Variants in MAN2A1 observed in about 807,000 individuals in gnomAD.
MAN2A1 encodes the protein alpha-mannosidase 2.
A neutral mutation model predicts 142.6 loss-of-function variants in MAN2A1; 76 were observed. That is an observed-to-expected ratio of 0.53 (90% confidence interval 0.44 to 0.65). The LOEUF is 0.65. Ranked by LOEUF, MAN2A1 falls within the 30% of genes least tolerant of loss-of-function variation. The probability of loss-of-function intolerance (pLI) is 0.00; values close to 1 mark genes in which losing one functional copy is unlikely to be tolerated. For missense variants in MAN2A1, 1,311 were observed against 1,365.1 expected (o/e 0.96, Z 0.62); for synonymous variants, 559 against 473.2 (o/e 1.18, Z -2.35).
In MAN2A1 at chr5:109,804,177, A is replaced by G. The variant is rs1754103963; in HGVS notation, c.1944-13096A>G. The G allele has an allele frequency of 4.1e-6, 4 of 987,274 alleles. No individual in the cohort carries two copies. In the South Asian group the frequency reaches 1.4e-4, roughly 35 times the overall value. The allele number at this position is 987,274 out of a possible 1,614,324, so 61.2% of individuals were successfully genotyped here. ...AGATTAATAAAGCGTGCACAACAAGAGGAACAAGGAAAAGGATTTTAGTGA... is the reference window on the plus strand; with the variant it reads ...AGATTAATAAAGCGTGCACAACAAGGGGAACAAGGAAAAGGATTTTAGTGA... On this transcript the variant is annotated intron_variant, in intron 12 of 21. Coordinates refer to ENST00000261483, the MANE Select transcript of MAN2A1 (RefSeq NM_002372.4).
At chr5:109,856,465 C>T (rs1320452732) in intron 20 of MAN2A1, among the ~76,000 whole-genome samples, 1 of 152,144 alleles carries the variant, frequency 6.6e-6, no homozygotes, top group Non-Finnish European at 1.5e-5. Flanking sequence ...GTGAAGTCTG[C>T]TCCTAGATGC....
chr5:109,743,946 A>G (rs1398009522), intron 4 of MAN2A1, among the ~76,000 whole-genome samples: 1 of 151,682 alleles, frequency 6.6e-6, no homozygotes, highest in Admixed American at 6.6e-5. Context: ...TTCACACTCT[A>G]CTCAGGCATT....
chr5:109,794,986 A>G (rs925293206), intron 12 of MAN2A1, among the ~76,000 whole-genome samples: 1 of 152,078 alleles, frequency 6.6e-6, no homozygotes, highest in Non-Finnish European at 1.5e-5. Flanking sequence ...GCTTTATCCA[A>G]AAGACTGAAT....
intron 12 of MAN2A1, among the ~76,000 whole-genome samples, chr5:109,791,343 A>G (rs1753732367): frequency 6.6e-6 from 1 of 152,038 alleles, no homozygotes; most frequent in African/African-American, 2.4e-5. Flanking sequence ...TTAGCTGCAA[A>G]TTATTTTAGT....
At chr5:109,811,374 C>G (rs112075116) in intron 12 of MAN2A1, among the ~76,000 whole-genome samples, 1 of 152,086 alleles carries the variant, frequency 6.6e-6, no homozygotes, top group East Asian at 1.9e-4. Context: ...ATAAGACTTA[C>G]GAATGAATTT....
chr5:109,853,631 G>T (rs1755537141), intron 19 of MAN2A1: 1 of 152,136 alleles, frequency 6.6e-6, no homozygotes. Flanking sequence ...TTTGATGAGG[G>T]AGGTGTTTTC....
rs1755952060 is a variant in MAN2A1, at chr5:109,869,076, A to T, written c.*2078A>T. On this transcript the variant is annotated 3_prime_UTR_variant, in exon 22 of 22. Coordinates refer to ENST00000261483, the MANE Select transcript of MAN2A1 (RefSeq NM_002372.4). ...CACAGGTAAAGCAGAAATTCTCTTT[A>T]ACCAGCAAGTTTCTGCTTTTTAAGG... The T allele has an allele frequency of 6.6e-6, 1 of 152,216 alleles. No individual in the cohort carries two copies. Among genetic ancestry groups the T allele is most frequent in the African/African-American group, 2.4e-5 (1 of 41,460 alleles). 9.4% of individuals were successfully genotyped at this position (152,216 alleles called of 1,614,324 possible).
intron 4 of MAN2A1, among the ~76,000 whole-genome samples, chr5:109,740,411 C>A (rs145556668): frequency 6.6e-6 from 1 of 152,138 alleles, no homozygotes; most frequent in African/African-American, 2.4e-5. Context: ...TTTTGTGTGG[C>A]CTGTAAGCCA....
intron 5 of MAN2A1, among the ~76,000 whole-genome samples, chr5:109,760,997 T>C (rs2112636096): frequency 6.6e-6 from 1 of 152,010 alleles, no homozygotes; most frequent in East Asian, 1.9e-4. Context: ...TTTTTACCAG[T>C]TTATGGTTAT....
At position 109,713,673 on chromosome 5, in the gene MAN2A1, G is replaced by C. The variant is rs1469645884; in HGVS notation, c.289G>C (p.Gly97Arg). The change falls in exon 2 of 22, where the codon GGT becomes CGT. Residue 97 changes from glycine to arginine, a missense_variant. By Grantham distance (125) the Gly-to-Arg change is moderately radical. Coordinates refer to ENST00000261483, the MANE Select transcript of MAN2A1 (RefSeq NM_002372.4). Reference sequence around the variant, plus strand: ...AAGTTCACAAAGCAATTTCAGCCAAGGTGCTGGCTCACATCTTCTGCCCTC... The same window carrying C: ...AAGTTCACAAAGCAATTTCAGCCAACGTGCTGGCTCACATCTTCTGCCCTC... ...PKSSQSNFSQ[G>R]AGSHLLPSQL... is the part of the protein sequence containing the mutation. 1 of 1,614,076 alleles carries C rather than the reference G, an allele frequency of 6.2e-7. No homozygotes were observed. Among genetic ancestry groups the C allele is most frequent in the East Asian group, 2.2e-5 (1 of 44,900 alleles).
At chr5:109,722,062 T>C (rs1423805172) in intron 3 of MAN2A1, among the ~76,000 whole-genome samples, 2 of 152,236 alleles carry the variant, frequency 1.3e-5, no homozygotes, top group Non-Finnish European at 2.9e-5. Flanking sequence ...AAGTGATCTT[T>C]TTCCAGAACC....
Position 109,784,726 on chromosome 5 carries a change from T to C in MAN2A1, c.1578-18T>C. The C allele has an allele frequency of 6.5e-7, 1 of 1,527,928 alleles. No individual in the cohort carries two copies. The highest frequency in any genetic ancestry group is 8.8e-7 in the Non-Finnish European group (1 of 1,138,736). 94.6% of individuals were successfully genotyped at this position (1,527,928 alleles called of 1,614,324 possible). Reference sequence around the variant, plus strand: ...AAGTGTTTGTTTTAAAATAAAAATATGACTTTTATGCAATTAGGGCTGCTG... The same window carrying C: ...AAGTGTTTGTTTTAAAATAAAAATACGACTTTTATGCAATTAGGGCTGCTG... On this transcript the variant is annotated intron_variant, in intron 9 of 21. Coordinates refer to ENST00000261483, the MANE Select transcript of MAN2A1 (RefSeq NM_002372.4).
chr5:109,837,381 T>G (rs895821327), intron 16 of MAN2A1, among the ~76,000 whole-genome samples: 1 of 151,970 alleles, frequency 6.6e-6, no homozygotes, highest in African/African-American at 2.4e-5. Context: ...CCCTCTGCCC[T>G]TAAAAACAAA....
At chr5:109,770,590 C>G in intron 7 of MAN2A1, 49 bp downstream of exon 7, 2 of 1,536,736 alleles carry the variant, frequency 1.3e-6, no homozygotes, top group Non-Finnish European at 1.8e-6. Flanking sequence ...AAAGTAGCCA[C>G]TTAGCTGCTA....
intron 7 of MAN2A1, among the ~76,000 whole-genome samples, chr5:109,773,081 A>G (rs1253066644): frequency 6.6e-6 from 1 of 152,178 alleles, no homozygotes; most frequent in Non-Finnish European, 1.5e-5. Flanking sequence ...AGCAAATTGC[A>G]TCTGTATGTT....
chr5:109,869,465 T>C lies in MAN2A1; in HGVS notation c.*2467T>C, dbSNP rs562395598. On this transcript the variant is annotated 3_prime_UTR_variant, in exon 22 of 22. Coordinates refer to ENST00000261483, the MANE Select transcript of MAN2A1 (RefSeq NM_002372.4). ...TGCCTTTGTTGTACTTGTGCCGAAG[T>C]GTTTTGATATTCCTTTGTCTGGAAG... is the stretch of plus-strand genomic sequence containing the variant. The C allele has an allele frequency of 1.3e-5, 2 of 152,360 alleles. No homozygotes were observed. The highest frequency in any genetic ancestry group is 6.5e-5 in the Admixed American group (1 of 15,304). 9.4% of individuals were successfully genotyped at this position (152,360 alleles called of 1,614,324 possible).
intron 4 of MAN2A1, among the ~76,000 whole-genome samples, chr5:109,741,678 C>T (rs1052042394): frequency 1.3e-5 from 2 of 152,132 alleles, no homozygotes; most frequent in African/African-American, 4.8e-5. Context: ...TCAAATGATC[C>T]TTATAATCTA....
chr5:109,831,211 G>A (rs928327371), intron 16 of MAN2A1, among the ~76,000 whole-genome samples: 3 of 152,206 alleles, frequency 2.0e-5, no homozygotes, highest in Admixed American at 2.0e-4. Context: ...GAGGATGTTT[G>A]GAGTATTCAC....
intron 17 of MAN2A1, among the ~76,000 whole-genome samples, chr5:109,842,902 T>A (rs908282598): frequency 2.0e-5 from 3 of 148,754 alleles, no homozygotes; most frequent in Admixed American, 6.8e-5. Flanking sequence ...TACTCCCAGG[T>A]TCAAGCGACT....
Sources: gnomAD v4.1 joint callset for allele counts (sites outside exome capture counted in the v4.1 genomes callset) on GRCh38, gnomAD v4.1.1 for gene constraint, MANE v1.5 for transcripts, NCBI Gene and HGNC (gene_info 2026-07-23, HGNC 2026-07-21) for gene names.